GLDC: variants seen among roughly 807,000 people sequenced by gnomAD.
The protein encoded by GLDC is glycine decarboxylase, also known as glycine dehydrogenase (decarboxylating), mitochondrial.
A neutral mutation model predicts 121.3 loss-of-function variants in GLDC; 104 were observed. The observed-to-expected ratio is 0.86, with a 90% CI of 0.73 to 1.01. GLDC has a LOEUF of 1.01. Among genes scored for constraint, GLDC ranks in the 50% least tolerant of loss-of-function variants. The pLI is 0.00. For synonymous variants in GLDC, 546 were observed against 480.6 expected, an observed-to-expected ratio of 1.14 and a Z score of -1.78; for missense variants, 1,429 against 1,306.6, an observed-to-expected ratio of 1.09 and a Z score of -1.44.
At chr9:6,549,126 A>G (rs1468168955) in intron 21 of GLDC, among the ~76,000 whole-genome samples, 1 of 152,214 alleles carries the variant, frequency 6.6e-6, no homozygotes, top group African/African-American at 2.4e-5. Context: ...TTAAAATCAG[A>G]TGTCAATCAT....
chr9:6,616,974 T>C (rs1394097876), intron 3 of GLDC, among the ~76,000 whole-genome samples: 1 of 152,212 alleles, frequency 6.6e-6, no homozygotes, highest in Non-Finnish European at 1.5e-5. Context: ...TCTGATGTTA[T>C]CAGTAGTTGA....
intron 23 of GLDC, among the ~76,000 whole-genome samples, chr9:6,535,357 G>T (rs533082314): frequency 3.3e-5 from 5 of 151,102 alleles, no homozygotes; most frequent in African/African-American, 1.2e-4. Context: ...TAATCATCTT[G>T]TATGCCTCCA....
At chr9:6,542,054 A>T (rs879524835) in intron 21 of GLDC, 1 of 152,154 alleles carries the variant, frequency 6.6e-6, no homozygotes, top group Non-Finnish European at 1.5e-5. Flanking sequence ...ATCCTGGCCA[A>T]CGTGGTGAAA....
At chr9:6,548,449 C>T (rs998670729) in intron 21 of GLDC, among the ~76,000 whole-genome samples, 1 of 152,184 alleles carries the variant, frequency 6.6e-6, no homozygotes, top group African/African-American at 2.4e-5. Context: ...TATTGTGCTG[C>T]TTAGAGACAT....
intron 21 of GLDC, among the ~76,000 whole-genome samples, chr9:6,546,944 C>T (rs896278581): frequency 6.6e-6 from 1 of 151,728 alleles, no homozygotes; most frequent in Non-Finnish European, 1.5e-5. Flanking sequence ...CCTGGGTGAC[C>T]AAGCGAGACT....
At chr9:6,606,221 A>G (rs1025383803) in intron 5 of GLDC, 2 of 279,972 alleles carry the variant, frequency 7.1e-6, no homozygotes, top group African/African-American at 2.3e-5. Flanking sequence ...AGGCAGGACA[A>G]TGGCGTGAAC....
At chr9:6,540,682 T>G (rs576442337) in intron 21 of GLDC, 1 of 160,276 alleles carries the variant, frequency 6.2e-6, no homozygotes, top group Admixed American at 5.9e-5. Flanking sequence ...CCTTTTGATG[T>G]TTTGGTTTCA....
chr9:6,614,124 T>A (rs958201952), intron 3 of GLDC, among the ~76,000 whole-genome samples: 9 of 152,156 alleles, frequency 5.9e-5, no homozygotes, highest in African/African-American at 1.9e-4. Flanking sequence ...CATAGTACCA[T>A]GTTCCTCTCC....
At chr9:6,620,964 T>C (rs867555251) in intron 2 of GLDC, among the ~76,000 whole-genome samples, 15 of 152,062 alleles carry the variant, frequency 9.9e-5, no homozygotes, top group Middle Eastern at 3.4e-3. Context: ...GGTCAGGAGT[T>C]CAAGACAAGC....
chr9:6,560,644 T>A (rs1587928380), intron 16 of GLDC, among the ~76,000 whole-genome samples: 2 of 152,172 alleles, frequency 1.3e-5, no homozygotes, highest in East Asian at 3.9e-4. Context: ...ATGTTAAAAA[T>A]AAATATAAAA....
At chr9:6,599,162 C>G (rs1818549391) in intron 8 of GLDC, among the ~76,000 whole-genome samples, 1 of 144,390 alleles carries the variant, frequency 6.9e-6, no homozygotes, top group African/African-American at 2.6e-5. Flanking sequence ...CCAGCCTGGG[C>G]AACAAGAGAA....
At chr9:6,573,809 A>G (rs1195078805) in intron 15 of GLDC, among the ~76,000 whole-genome samples, 3 of 152,236 alleles carry the variant, frequency 2.0e-5, no homozygotes, top group African/African-American at 4.8e-5. Context: ...TGGCACCTTC[A>G]GAGGACCACT....
rs1817840996 is a variant in GLDC at position 6,565,622 on chromosome 9, A to T, written c.1851-193T>A. 4.5e-6 allele frequency: 3 copies of T among 667,042 alleles called. No homozygotes were observed. The South Asian group carries it at 5.0e-5, about 11-fold the overall frequency. The allele number at this position is 667,042 out of a possible 1,614,324, so 41.3% of individuals were successfully genotyped here. ...GAACAATCAAAACAATCAAAGCAACAGCATCCAGTTTGTGCACTACAGCTC... is the reference window on the plus strand; with the variant it reads ...GAACAATCAAAACAATCAAAGCAACTGCATCCAGTTTGTGCACTACAGCTC... On this transcript the variant is annotated intron_variant, in intron 15 of 24. Transcript: ENST00000321612.
At chr9:6,602,257 G>T in intron 7 of GLDC, 52 bp from the exon 8 acceptor site, 2 of 1,062,650 alleles carry the variant, frequency 1.9e-6, no homozygotes, top group Non-Finnish European at 1.5e-6. Context: ...AGCACTGGGA[G>T]ATGCTATAAA....
At chr9:6,565,215 C>G (rs1381848835) in intron 16 of GLDC, 139 bp downstream of exon 16, 1 of 764,652 alleles carries the variant, frequency 1.3e-6, no homozygotes, top group Non-Finnish European at 2.4e-6. Context: ...ATGGCTAGTT[C>G]ACAGAAATTT....
Position 6,587,257 on chromosome 9 carries a change from G to A in GLDC, c.1734C>T (p.Asn578=), listed in dbSNP as rs1034614089. The A allele has an allele frequency of 6.2e-6, 10 of 1,613,762 alleles. No individual in the cohort carries two copies. The African/African-American group carries it at 1.3e-4, about 22-fold the overall frequency. ...LAPITWKEFA[N]IHPFVPLDQA... is the part of the protein sequence containing the mutation. ...GATCCAGAGGCACAAAGGGGTGGAT[G>A]TTTGCAAATTCTTTCCATGTGATAG... Residue 578 remains asparagine (N), a synonymous_variant, in exon 15 of 25, where the codon AAC becomes AAT. Coordinates refer to ENST00000321612, the MANE Select transcript of GLDC (RefSeq NM_000170.3).
intron 17 of GLDC, chr9:6,558,029 C>T (rs41281771): frequency 0.051 from 11,020 of 214,790 alleles, 407 homozygotes; most frequent in Non-Finnish European, 0.073. Context: ...TGGTTTCCTT[C>T]CCGCTTAAGA....
At chr9:6,604,198 G>A (rs183365554) in intron 7 of GLDC, among the ~76,000 whole-genome samples, 3 of 152,278 alleles carry the variant, frequency 2.0e-5, no homozygotes, top group Admixed American at 1.3e-4. Context: ...GGAACGCGGA[G>A]CAAACTCAGT....
intron 15 of GLDC, among the ~76,000 whole-genome samples, chr9:6,577,825 G>C (rs1818100040): frequency 1.3e-5 from 2 of 149,738 alleles, no homozygotes. Context: ...ATTTTTTTTT[G>C]CTCGAATCCT....
Sources: allele counts gnomAD v4.1 joint callset (sites outside exome capture counted in the v4.1 genomes callset), GRCh38; gene constraint gnomAD v4.1.1; transcripts MANE v1.5; gene names NCBI Gene and HGNC (gene_info 2026-07-23, HGNC 2026-07-21).